The following GATB variants were observed in gnomAD, a reference collection of about 807,000 sequenced individuals.
GATB encodes the protein glutamyl-tRNA amidotransferase subunit B, also known as glutamyl-tRNA(Gln) amidotransferase subunit B, mitochondrial.
Under a neutral mutation model 62.3 loss-of-function variants are expected in GATB, and 39 were observed. The ratio of observed to expected loss-of-function variants is 0.63; its 90% CI spans 0.48 to 0.82. GATB has a LOEUF of 0.82. Ranked by LOEUF, GATB falls within the 40% of genes least tolerant of loss-of-function variation. The pLI is 0.00. For synonymous variants in GATB, 276 were observed against 258.9 expected, an observed-to-expected ratio of 1.07 and a Z score of -0.63; for missense variants, 670 against 684.0, an observed-to-expected ratio of 0.98 and a Z score of 0.23.
chr4:151,719,320 T>C, intron 3 of GATB, 105 bp downstream of exon 3: 1 of 786,782 alleles, frequency 1.3e-6, no homozygotes, highest in East Asian at 2.7e-5. Flanking sequence ...CAGTGCTGGC[T>C]GAAAACATGA....
At chr4:151,701,043 T>G (rs1341759449) in intron 9 of GATB, among the ~76,000 whole-genome samples, 1 of 152,226 alleles carries the variant, frequency 6.6e-6, no homozygotes, top group Non-Finnish European at 1.5e-5. Flanking sequence ...TTGGACAGTC[T>G]TCAAGAAGTC....
At chr4:151,732,438 G>A (rs1378911847) in intron 2 of GATB, among the ~76,000 whole-genome samples, 2 of 151,928 alleles carry the variant, frequency 1.3e-5, no homozygotes, top group Non-Finnish European at 2.9e-5. Flanking sequence ...CTGTGCTCTG[G>A]GGCATGTGCT....
intron 1 of GATB, among the ~76,000 whole-genome samples, chr4:151,760,070 T>C (rs1359968345): frequency 6.6e-6 from 1 of 152,220 alleles, no homozygotes; most frequent in Non-Finnish European, 1.5e-5. Context: ...CAAAACTGAA[T>C]ACTTCTTTCT....
At chr4:151,734,757 G>C (rs1460749744) in intron 2 of GATB, among the ~76,000 whole-genome samples, 1 of 152,150 alleles carries the variant, frequency 6.6e-6, no homozygotes, top group Admixed American at 6.5e-5. Context: ...GAACAGAATA[G>C]AGAACCCAGA....
chr4:151,760,321 T>C (rs1739925148), intron 1 of GATB, among the ~76,000 whole-genome samples: 1 of 152,170 alleles, frequency 6.6e-6, no homozygotes, highest in Non-Finnish European at 1.5e-5. Flanking sequence ...TAGTCACACA[T>C]ATTCCAACAT....
intron 9 of GATB, among the ~76,000 whole-genome samples, chr4:151,695,057 G>A (rs1475173659): frequency 6.6e-6 from 1 of 152,176 alleles, no homozygotes; most frequent in Non-Finnish European, 1.5e-5. Context: ...ACAAAGACAA[G>A]CATATGGCAG....
In GATB at chr4:151,701,385, G is replaced by C. The variant is rs371263176; in HGVS notation, c.1141C>G (p.Arg381Gly). The change falls in exon 9 of 13, where the codon CGA becomes GGA. Residue 381 changes from arginine (R) to glycine (G), a missense_variant. Transcript: ENST00000263985. ...CCATACTGTTGGACAAGCTTCTCTCGGGTCACACTGGGGAGCTCCGGGAGT... is the reference window on the plus strand; with the variant it reads ...CCATACTGTTGGACAAGCTTCTCTCCGGTCACACTGGGGAGCTCCGGGAGT... ...ETLPELPSVT[R>G]EKLVQQYGML... 2 of 1,598,780 alleles carry C rather than the reference G, an allele frequency of 1.3e-6. No homozygotes were observed. Among genetic ancestry groups the C allele is most frequent in the African/African-American group, 1.3e-5 (1 of 74,216 alleles).
At chr4:151,726,882 T>C (rs1560858200) in intron 2 of GATB, among the ~76,000 whole-genome samples, 1 of 152,176 alleles carries the variant, frequency 6.6e-6, no homozygotes, top group Non-Finnish European at 1.5e-5. Context: ...AGGCACTTGA[T>C]GTCAGCATGG....
chr4:151,690,110 A>G (rs187312787), intron 9 of GATB, among the ~76,000 whole-genome samples: 1 of 152,350 alleles, frequency 6.6e-6, no homozygotes, highest in African/African-American at 2.4e-5. Context: ...TTCATTAACC[A>G]AAAGAATTTT....
intron 12 of GATB, 148 bp from the exon 13 acceptor site, chr4:151,671,450 G>C (rs1578888633): frequency 1.3e-6 from 1 of 741,594 alleles, no homozygotes; most frequent in Non-Finnish European, 2.2e-6. Flanking sequence ...AAAAAGGGGA[G>C]GGGCCTCACT....
At chr4:151,729,878 G>A (rs1739209564) in intron 2 of GATB, among the ~76,000 whole-genome samples, 1 of 152,148 alleles carries the variant, frequency 6.6e-6, no homozygotes, top group Non-Finnish European at 1.5e-5. Context: ...GCAGACGGGA[G>A]GCAGGACTAG....
chr4:151,713,935 C>T (rs1428635676), intron 5 of GATB, among the ~76,000 whole-genome samples: 1 of 152,224 alleles, frequency 6.6e-6, no homozygotes, highest in Non-Finnish European at 1.5e-5. Flanking sequence ...CAAACACTAC[C>T]ACCTACTTCT....
chr4:151,741,310 A>G (rs975027575), intron 2 of GATB, among the ~76,000 whole-genome samples: 2 of 152,238 alleles, frequency 1.3e-5, no homozygotes, highest in Non-Finnish European at 2.9e-5. Context: ...AAGGGAAACT[A>G]CAGATAAGGG....
intron 9 of GATB, among the ~76,000 whole-genome samples, chr4:151,696,566 G>C (rs1030434115): frequency 2.0e-5 from 3 of 152,212 alleles, no homozygotes; most frequent in African/African-American, 7.2e-5. Flanking sequence ...TCCAATACGG[G>C]CTTGGGGAAG....
intron 9 of GATB, among the ~76,000 whole-genome samples, chr4:151,696,550 T>G (rs1228407944): frequency 1.3e-5 from 2 of 152,196 alleles, no homozygotes; most frequent in South Asian, 4.1e-4. Context: ...ATGATCTGAA[T>G]GTGGCTCCAA....
At chr4:151,686,652 G>GCCCCCCCCC (rs374250502) in intron 10 of GATB, among the ~76,000 whole-genome samples, 4 of 70,920 alleles carry the variant, frequency 5.6e-5, no homozygotes, top group Non-Finnish European at 8.1e-5. Flanking sequence ...TCCCCGCCCC[G>GCCCCCCCCC]CCCCCCCCCC....
chr4:151,736,937 C>T (rs1475699342), intron 2 of GATB, among the ~76,000 whole-genome samples: 1 of 152,214 alleles, frequency 6.6e-6, no homozygotes, highest in African/African-American at 2.4e-5. Flanking sequence ...CCAGGTGGAA[C>T]TGTAAGTCCA....
chr4:151,703,559 GC>G, intron 8 of GATB: 1 of 470,156 alleles, frequency 2.1e-6, no homozygotes, highest in Middle Eastern at 6.0e-4. Context: ...AACCTCTACA[GC>G]CATCCTCCTA....
intron 1 of GATB, among the ~76,000 whole-genome samples, chr4:151,760,314 T>C (rs1244391990): frequency 6.6e-6 from 1 of 152,188 alleles, no homozygotes; most frequent in Non-Finnish European, 1.5e-5. Flanking sequence ...CTAGGTCTAG[T>C]CACACATATT....
Sources: gnomAD v4.1 joint callset for allele counts (sites outside exome capture counted in the v4.1 genomes callset) on GRCh38, gnomAD v4.1.1 for gene constraint, MANE v1.5 for transcripts, NCBI Gene and HGNC (gene_info 2026-07-23, HGNC 2026-07-21) for gene names.